The following RNF180 variants were observed in gnomAD, a reference collection of about 807,000 sequenced individuals.
RNF180 encodes the protein E3 ubiquitin-protein ligase RNF180.
RNF180 carries 38 observed loss-of-function variants against 59.2 expected under a neutral mutation model. The observed-to-expected ratio is 0.64, with a 90% CI of 0.50 to 0.84. RNF180 has a LOEUF of 0.84. Among genes scored for constraint, RNF180 ranks in the 40% least tolerant of loss-of-function variants. RNF180 has a pLI of 0.00. For synonymous variants in RNF180, 262 were observed against 240.3 expected (o/e 1.09, Z -0.84); for missense variants, 705 against 700.9 (o/e 1.01, Z -0.07).
At position 64,327,038 on chromosome 5, in the gene RNF180, A is replaced by G. The variant is rs893317354; in HGVS notation, c.1453+1627A>G. Among the ~76,000 whole-genome samples, 4 of 152,082 alleles carry G rather than the reference A, an allele frequency of 2.6e-5. 1 individual carries two copies. Among genetic ancestry groups the G allele is most frequent in the African/African-American group, 9.7e-5 (4 of 41,398 alleles). Reference sequence around the variant, plus strand: ...TCTTTGTTCAATCTTGGTAGGTTGTATGTGTCTAGGAATTTATACATTTCC... The same window carrying G: ...TCTTTGTTCAATCTTGGTAGGTTGTGTGTGTCTAGGAATTTATACATTTCC... On this transcript the variant is annotated intron_variant, in intron 6 of 7. Transcript: ENST00000389100.
chr5:64,295,077 T>C (rs1742815201), intron 5 of RNF180, among the ~76,000 whole-genome samples: 1 of 152,194 alleles, frequency 6.6e-6, no homozygotes, highest in South Asian at 2.1e-4. Flanking sequence ...GTTTTAGGGT[T>C]TCATCCATGA....
rs191982961 is a variant in RNF180 at position 64,209,065 on chromosome 5, G to T, written c.136-3000G>T. 2.6e-5 allele frequency among the ~76,000 whole-genome samples: 4 copies of T among 152,002 alleles called. No homozygotes were observed. The East Asian group carries it at 7.7e-4, about 29-fold the overall frequency. ...GGCTAGAGATATAAGAAAGTTTATT[G>T]CCCTAAAAACTATAGTATTTTATAT... is the stretch of plus-strand genomic sequence containing the variant. On this transcript the variant is annotated intron_variant, in intron 2 of 7. Transcript: ENST00000389100.
At chr5:64,275,559 T>C (rs753024332) in intron 5 of RNF180, among the ~76,000 whole-genome samples, 24 of 151,854 alleles carry the variant, frequency 1.6e-4, no homozygotes, top group Non-Finnish European at 2.5e-4. Flanking sequence ...TATTTATACA[T>C]AATACAGTGA....
chr5:64,296,986 A>T lies in RNF180; in HGVS notation c.1228-28200A>T, dbSNP rs142182680. ...TTTCTTATAAACTTACACAAAGGAA[A>T]CTATAGCCAGACATTAAATTATATG... is the stretch of plus-strand genomic sequence containing the variant. On this transcript the variant is annotated intron_variant, in intron 5 of 7. Transcript: ENST00000389100. Among the ~76,000 whole-genome samples, 517 of 152,244 alleles carry T rather than the reference A, an allele frequency of 3.4e-3. 2 individuals are homozygous for T. Among genetic ancestry groups the T allele is most frequent in the African/African-American group, 0.011 (469 of 41,550 alleles).
intron 5 of RNF180, among the ~76,000 whole-genome samples, chr5:64,272,349 GACAA>G (rs1298244773): frequency 1.3e-5 from 2 of 151,934 alleles, no homozygotes; most frequent in African/African-American, 4.8e-5. Context: ...AAACATTACA[GACAA>G]ACAGACCAAT....
Position 64,301,701 on chromosome 5 carries a change from A to ATGTGTGTGTGTGTGTGTGTGTGTGTG in RNF180, c.1228-23462_1228-23461insGTGTGTGTGTGTGTGTGTGTGTGTGT, listed in dbSNP as rs3069547. 5.0e-3 allele frequency among the ~76,000 whole-genome samples: 750 copies of ATGTGTGTGTGTGTGTGTGTGTGTGTG among 148,672 alleles called. 3 individuals are homozygous for ATGTGTGTGTGTGTGTGTGTGTGTGTG. The highest frequency in any genetic ancestry group is 0.018 in the African/African-American group (737 of 40,708). Reference sequence around the variant, plus strand: ...TATATTTGTTGTATGCCACATCAGAATGTGTGTGTGTGTGTGTGTGTGTAT... The same window carrying ATGTGTGTGTGTGTGTGTGTGTGTGTG: ...TATATTTGTTGTATGCCACATCAGAATGTGTGTGTGTGTGTGTGTGTGTGTGTGTGTGTGTGTGTGTGTGTGTGTAT... On this transcript the variant is annotated intron_variant, in intron 5 of 7. Transcript: ENST00000389100.
intron 5 of RNF180, among the ~76,000 whole-genome samples, chr5:64,257,314 A>G (rs1744031936): frequency 1.3e-5 from 2 of 152,200 alleles, no homozygotes; most frequent in African/African-American, 4.8e-5. Flanking sequence ...GCTTTTGCCC[A>G]TTCAGTATGA....
intron 7 of RNF180, among the ~76,000 whole-genome samples, chr5:64,334,143 G>C (rs1745027348): frequency 6.6e-6 from 1 of 152,162 alleles, no homozygotes; most frequent in Non-Finnish European, 1.5e-5. Context: ...CTGAGGTCAG[G>C]AGGATTGGCA....
intron 5 of RNF180, among the ~76,000 whole-genome samples, chr5:64,294,103 C>T (rs1434380726): frequency 6.6e-6 from 1 of 152,092 alleles, no homozygotes; most frequent in African/African-American, 2.4e-5. Context: ...AACCACCTGC[C>T]TACCGTTTTG....
At chr5:64,200,270 A>G (rs1201293922) in intron 1 of RNF180, among the ~76,000 whole-genome samples, 4 of 152,134 alleles carry the variant, frequency 2.6e-5, no homozygotes, top group Non-Finnish European at 5.9e-5. Context: ...CTGTCTCTAC[A>G]GAAAGTAAAA....
intron 5 of RNF180, among the ~76,000 whole-genome samples, chr5:64,243,038 G>A (rs1223195207): frequency 1.3e-5 from 2 of 152,156 alleles, no homozygotes; most frequent in African/African-American, 4.8e-5. Flanking sequence ...TGTGACTTGA[G>A]GAACAGTGCA....
intron 1 of RNF180, among the ~76,000 whole-genome samples, chr5:64,192,903 G>GTGTGTGTATA (rs1486448173): frequency 4.3e-5 from 4 of 93,870 alleles, no homozygotes; most frequent in African/African-American, 1.7e-4. Flanking sequence ...AGTGTGGCAT[G>GTGTGTGTATA]TATATATATA....
intron 5 of RNF180, among the ~76,000 whole-genome samples, chr5:64,260,695 G>A (rs1744284251): frequency 6.6e-6 from 1 of 151,996 alleles, no homozygotes; most frequent in Non-Finnish European, 1.5e-5. Context: ...ATCAATTTAG[G>A]GTTGAACCAT....
At chr5:64,179,125 A>C (rs1336945270) in intron 1 of RNF180, among the ~76,000 whole-genome samples, 1 of 152,206 alleles carries the variant, frequency 6.6e-6, no homozygotes. Context: ...TCTTCAAAGC[A>C]AAATAAATGT....
chr5:64,351,469 C>T (rs1476675180), intron 7 of RNF180, among the ~76,000 whole-genome samples: 1 of 152,178 alleles, frequency 6.6e-6, no homozygotes, highest in Non-Finnish European at 1.5e-5. Flanking sequence ...AGAGGGCATC[C>T]CTGTCTTGTG....
intron 5 of RNF180, among the ~76,000 whole-genome samples, chr5:64,267,890 A>T (rs1744781625): frequency 6.6e-6 from 1 of 152,152 alleles, no homozygotes; most frequent in Non-Finnish European, 1.5e-5. Flanking sequence ...ACAGTGTCAC[A>T]GGTAGTGCTG....
chr5:64,211,529 G>A (rs1752311708), intron 2 of RNF180, among the ~76,000 whole-genome samples: 1 of 152,118 alleles, frequency 6.6e-6, no homozygotes, highest in South Asian at 2.1e-4. Flanking sequence ...AAAGGGCAGG[G>A]GGAAGGTTAG....
chr5:64,266,351 C>G (rs1744678226), intron 5 of RNF180, among the ~76,000 whole-genome samples: 1 of 152,034 alleles, frequency 6.6e-6, no homozygotes, highest in South Asian at 2.1e-4. Flanking sequence ...GAAAGTGACA[C>G]CAGGTTCACA....
intron 1 of RNF180, among the ~76,000 whole-genome samples, chr5:64,198,925 C>G (rs746970237): frequency 1.3e-5 from 2 of 152,070 alleles, no homozygotes; most frequent in Non-Finnish European, 2.9e-5. Flanking sequence ...AAGCAATTCT[C>G]CTGCCTCAGC....
Sources: gnomAD v4.1 joint callset for allele counts (sites outside exome capture counted in the v4.1 genomes callset) on GRCh38, gnomAD v4.1.1 for gene constraint, MANE v1.5 for transcripts, NCBI Gene and HGNC (gene_info 2026-07-23, HGNC 2026-07-21) for gene names.